Variants in SCPEP1 observed in about 807,000 individuals in gnomAD.
SCPEP1 encodes the protein retinoid-inducible serine carboxypeptidase.
A neutral mutation model predicts 63.8 loss-of-function variants in SCPEP1; 51 were observed. The ratio of observed to expected loss-of-function variants is 0.80; its 90% CI spans 0.64 to 1.01. The LOEUF (loss-of-function observed/expected upper bound fraction) is 1.01. SCPEP1 is among the 50% of genes least tolerant of loss of function. The probability of loss-of-function intolerance (pLI) is 0.00; values close to 1 mark genes in which losing one functional copy is unlikely to be tolerated. For missense variants in SCPEP1, 499 were observed against 554.9 expected, an observed-to-expected ratio of 0.90 and a Z score of 1.01; for synonymous variants, 204 against 207.8, an observed-to-expected ratio of 0.98 and a Z score of 0.16.
intron 1 of SCPEP1, among the ~76,000 whole-genome samples, chr17:56,979,257 C>A (rs1002542093): frequency 8.5e-5 from 13 of 152,120 alleles, no homozygotes; most frequent in Non-Finnish European, 4.4e-5. Flanking sequence ...CCAAGTAGCC[C>A]GGACTGCAGA....
At chr17:56,995,081 C>G in intron 7 of SCPEP1, 63 bp downstream of exon 7, 1 of 1,438,298 alleles carries the variant, frequency 7.0e-7, no homozygotes, top group Non-Finnish European at 9.8e-7. Flanking sequence ...CTGGCTGTGA[C>G]CCCAGGAAAA....
Position 56,994,890 on chromosome 17 carries a change from C to G in SCPEP1, c.620-91C>G, listed in dbSNP as rs1911500576. ...AAGCCACCGGGTTTCTTGCTTCTGT[C>G]TCTTTCTTCTTTAGAGAGAAGACAG... is the stretch of plus-strand genomic sequence containing the variant. On this transcript the variant is annotated intron_variant, in intron 6 of 12. Transcript: ENST00000262288. 4.2e-6 allele frequency: 5 copies of G among 1,200,530 alleles called. No homozygotes were observed. In the South Asian group the frequency reaches 6.2e-5, roughly 15 times the overall value. 74.4% of individuals were successfully genotyped at this position (1,200,530 alleles called of 1,614,324 possible).
At chr17:56,988,132 C>A (rs373119952) in intron 4 of SCPEP1, 84 bp from the exon 5 acceptor site, 3 of 1,123,494 alleles carry the variant, frequency 2.7e-6, no homozygotes, top group Middle Eastern at 2.1e-4. Flanking sequence ...CTGGTCATTA[C>A]GTGCAATAGA....
At chr17:56,999,651 A>G (rs1911679537) in intron 10 of SCPEP1, among the ~76,000 whole-genome samples, 2 of 152,118 alleles carry the variant, frequency 1.3e-5, no homozygotes, top group African/African-American at 4.8e-5. Flanking sequence ...GAGTGCTGGG[A>G]GAATTTTAGA....
rs922337765 is a variant in SCPEP1 at position 56,980,652 on chromosome 17, G to A, written c.77-430G>A. ...AAAAATACAAAATTAGCCAGGCGTG[G>A]TGGTGCATGCCTGTAATCCTAGCTA... is the stretch of plus-strand genomic sequence containing the variant. On this transcript the variant is annotated intron_variant, in intron 1 of 12. Coordinates refer to ENST00000262288, the MANE Select transcript of SCPEP1 (RefSeq NM_021626.3). Among the ~76,000 whole-genome samples the A allele has an allele frequency of 5.3e-5, 8 of 152,194 alleles. No individual in the cohort carries two copies. In the South Asian group the frequency reaches 1.4e-3, roughly 28 times the overall value.
intron 1 of SCPEP1, among the ~76,000 whole-genome samples, chr17:56,978,700 C>T (rs1910986454): frequency 6.6e-6 from 1 of 152,206 alleles, no homozygotes; most frequent in African/African-American, 2.4e-5. Context: ...CATCTTCCCC[C>T]ACAGCGATCT....
At chr17:57,003,751 A>G (rs1312391230) in intron 12 of SCPEP1, among the ~76,000 whole-genome samples, 2 of 152,180 alleles carry the variant, frequency 1.3e-5, no homozygotes, top group Non-Finnish European at 2.9e-5. Context: ...ATGTGCTTAC[A>G]CCGATGTCCT....
At chr17:56,982,204 A>G (rs1911087609) in intron 2 of SCPEP1, among the ~76,000 whole-genome samples, 1 of 152,130 alleles carries the variant, frequency 6.6e-6, no homozygotes, top group African/African-American at 2.4e-5. Flanking sequence ...CCTCTGGAAA[A>G]TGTAGGCATG....
intron 9 of SCPEP1, chr17:56,998,100 CAA>C (rs200072983): frequency 0.011 from 3,639 of 317,142 alleles, 120 homozygotes; most frequent in African/African-American, 0.071. Flanking sequence ...ATCATGAGGA[CAA>C]GAGATCGAGA....
At chr17:56,986,821 A>G (rs776946999) in intron 3 of SCPEP1, among the ~76,000 whole-genome samples, 35 of 152,314 alleles carry the variant, frequency 2.3e-4, no homozygotes, top group Non-Finnish European at 4.1e-4. Flanking sequence ...CTGGGATTAC[A>G]GGCGTGAGCC....
intron 5 of SCPEP1, among the ~76,000 whole-genome samples, chr17:56,989,147 G>A (rs1408768919): frequency 6.6e-6 from 1 of 152,150 alleles, no homozygotes; most frequent in East Asian, 1.9e-4. Flanking sequence ...CTGTGATCAT[G>A]GCACTGCACT....
chr17:56,989,023 C>CA (rs199683698), intron 5 of SCPEP1, among the ~76,000 whole-genome samples: 3,916 of 134,752 alleles, frequency 0.029, 135 homozygotes, highest in African/African-American at 0.092. Context: ...CCTGTTTCTA[C>CA]AAAAAAAAAA....
At chr17:57,003,224 A>C (rs187111251) in intron 12 of SCPEP1, among the ~76,000 whole-genome samples, 227 of 152,280 alleles carry the variant, frequency 1.5e-3, no homozygotes, top group African/African-American at 4.7e-3. Flanking sequence ...TGGAATGGAC[A>C]CTGGAGGGAG....
intron 8 of SCPEP1, among the ~76,000 whole-genome samples, 195 bp from the exon 9 acceptor site, chr17:56,996,767 C>A (rs531163338): frequency 7.1e-4 from 108 of 152,274 alleles, no homozygotes; most frequent in Non-Finnish European, 1.3e-3. Flanking sequence ...GATCCACCCA[C>A]CTCAGCCTCC....
At chr17:56,990,169 A>T (rs1186454379) in intron 5 of SCPEP1, among the ~76,000 whole-genome samples, 1 of 152,212 alleles carries the variant, frequency 6.6e-6, no homozygotes, top group Non-Finnish European at 1.5e-5. Context: ...AAACACTTCC[A>T]TATGTGGAGA....
intron 10 of SCPEP1, 64 bp downstream of exon 10, chr17:56,998,562 A>G: frequency 7.9e-7 from 1 of 1,259,324 alleles, no homozygotes; most frequent in East Asian, 2.3e-5. Context: ...GTGCAAATTC[A>G]GAGACCTGAA....
intron 9 of SCPEP1, among the ~76,000 whole-genome samples, chr17:56,997,333 C>T (rs2062200942): frequency 6.6e-6 from 1 of 152,168 alleles, no homozygotes; most frequent in Admixed American, 6.6e-5. Flanking sequence ...TGCCTTCTGT[C>T]TCTCTAGATT....
At position 56,997,071 on chromosome 17, in the gene SCPEP1, A is replaced by C; in HGVS notation, c.880+16A>C. ...AGCCACCTAGGTGAGTGAACCTTGA[A>C]GTTATTAAAGTCCCTGCCTCAGCCT... is the stretch of plus-strand genomic sequence containing the variant. On this transcript the variant is annotated intron_variant, in intron 9 of 12. Coordinates refer to ENST00000262288, the MANE Select transcript of SCPEP1 (RefSeq NM_021626.3). 6.8e-7 allele frequency: 1 copy of C among 1,471,800 alleles called. No individual in the cohort carries two copies. The highest frequency in any genetic ancestry group is 9.2e-7 in the Non-Finnish European group (1 of 1,081,752). 91.2% of individuals were successfully genotyped at this position (1,471,800 alleles called of 1,614,324 possible).
chr17:57,001,910 G>T, intron 11 of SCPEP1, 108 bp from the exon 12 acceptor site: 1 of 1,137,976 alleles, frequency 8.8e-7, no homozygotes, highest in East Asian at 2.4e-5. Context: ...TCCTGAGTGA[G>T]TTTCATGCAT....
Sources: allele counts gnomAD v4.1 joint callset (sites outside exome capture counted in the v4.1 genomes callset), GRCh38; gene constraint gnomAD v4.1.1; transcripts MANE v1.5; gene names NCBI Gene and HGNC (gene_info 2026-07-23, HGNC 2026-07-21).